SLC24A2: variants seen among roughly 807,000 people sequenced by gnomAD.
SLC24A2 encodes solute carrier family 24 member 2.
Under a neutral mutation model 62.0 loss-of-function variants are expected in SLC24A2, and 36 were observed. The ratio of observed to expected loss-of-function variants is 0.58; its 90% confidence interval spans 0.44 to 0.77. The LOEUF (loss-of-function observed/expected upper bound fraction) is 0.77. SLC24A2 is among the 30% of genes least tolerant of loss of function. The probability of loss-of-function intolerance (pLI) is 0.00; values close to 1 mark genes in which losing one functional copy is unlikely to be tolerated. For synonymous variants in SLC24A2, 358 were observed against 294.0 expected, an observed-to-expected ratio of 1.22 and a Z score of -2.23; for missense variants, 846 against 817.9, an observed-to-expected ratio of 1.03 and a Z score of -0.42.
At chr9:19,937,584 GA>G in the SLC24A2 span, among the ~76,000 whole-genome samples, 1 of 152,192 alleles carries the variant, frequency 6.6e-6, no homozygotes, top group Admixed American at 6.5e-5. Flanking sequence ...ATTATCAGCT[GA>G]AAATGAGTTT....
the SLC24A2 span, among the ~76,000 whole-genome samples, chr9:20,001,861 A>G: frequency 3.9e-5 from 6 of 152,200 alleles, no homozygotes; most frequent in African/African-American, 1.4e-4. Context: ...TATCTCCCAA[A>G]ATGTGTTTAT....
At chr9:19,679,585 A>G (rs1023940654) in intron 2 of SLC24A2, among the ~76,000 whole-genome samples, 4 of 152,162 alleles carry the variant, frequency 2.6e-5, no homozygotes, top group African/African-American at 7.2e-5. Flanking sequence ...GTCGGGGGGC[A>G]TTGTGCAATC....
At chr9:20,285,457 G>C in the SLC24A2 span, among the ~76,000 whole-genome samples, 9 of 152,148 alleles carry the variant, frequency 5.9e-5, no homozygotes, top group African/African-American at 2.2e-4. Flanking sequence ...TTCAGTATGA[G>C]TCTGAAAGCA....
chr9:20,030,901 C>T, the SLC24A2 span, among the ~76,000 whole-genome samples: 37 of 152,046 alleles, frequency 2.4e-4, no homozygotes, highest in Admixed American at 1.1e-3. Context: ...TGACTCCACC[C>T]GCTGCTCACC....
chr9:20,122,701 AAAC>A, the SLC24A2 span, among the ~76,000 whole-genome samples: 1 of 152,122 alleles, frequency 6.6e-6, no homozygotes, highest in East Asian at 1.9e-4. Flanking sequence ...AACAAACAAC[AAAC>A]AACAACAAAA....
intron 2 of SLC24A2, among the ~76,000 whole-genome samples, chr9:19,731,663 A>G (rs1821342674): frequency 6.6e-6 from 1 of 152,188 alleles, no homozygotes; most frequent in Non-Finnish European, 1.5e-5. Context: ...CAGTACTGTG[A>G]GACATAGATT....
At chr9:19,553,845 T>A (rs1296090392) in intron 7 of SLC24A2, among the ~76,000 whole-genome samples, 1 of 152,206 alleles carries the variant, frequency 6.6e-6, no homozygotes, top group Non-Finnish European at 1.5e-5. Context: ...ATTTATCCAG[T>A]TACAGGGCTG....
the SLC24A2 span, among the ~76,000 whole-genome samples, chr9:20,253,459 A>G: frequency 6.6e-6 from 1 of 152,194 alleles, no homozygotes; most frequent in Non-Finnish European, 1.5e-5. Flanking sequence ...TCCAAGTGTA[A>G]CAGGTAGATA....
At chr9:20,199,929 C>T in the SLC24A2 span, among the ~76,000 whole-genome samples, 9 of 145,932 alleles carry the variant, frequency 6.2e-5, no homozygotes, top group Non-Finnish European at 1.3e-4. Context: ...CAGGGTTTCA[C>T]GATGTTGGCC....
chr9:20,068,925 C>A, the SLC24A2 span, among the ~76,000 whole-genome samples: 1 of 152,134 alleles, frequency 6.6e-6, no homozygotes, highest in Non-Finnish European at 1.5e-5. Flanking sequence ...CAGTTCACAG[C>A]TTTCACTGAT....
At chr9:20,125,143 G>T in the SLC24A2 span, among the ~76,000 whole-genome samples, 3 of 152,112 alleles carry the variant, frequency 2.0e-5, no homozygotes, top group Non-Finnish European at 4.4e-5. Flanking sequence ...TTAGTACAAG[G>T]TGCTGTGAGA....
At chr9:19,647,394 G>C (rs985336693) in intron 2 of SLC24A2, among the ~76,000 whole-genome samples, 3 of 152,170 alleles carry the variant, frequency 2.0e-5, no homozygotes, top group African/African-American at 7.2e-5. Flanking sequence ...AAGAGGACAA[G>C]ACTACAAACA....
chr9:19,525,161 GA>G (rs1186923714), intron 9 of SLC24A2, among the ~76,000 whole-genome samples: 1 of 151,958 alleles, frequency 6.6e-6, no homozygotes, highest in Non-Finnish European at 1.5e-5. Flanking sequence ...TGATTTTTTG[GA>G]AATATCCAGG....
At chr9:19,610,214 G>C (rs1482288653) in intron 4 of SLC24A2, among the ~76,000 whole-genome samples, 2 of 152,184 alleles carry the variant, frequency 1.3e-5, no homozygotes, top group African/African-American at 4.8e-5. Context: ...TCTACACAAG[G>C]AAGGAGAAAT....
chr9:20,045,962 G>C, the SLC24A2 span, among the ~76,000 whole-genome samples: 1 of 152,186 alleles, frequency 6.6e-6, no homozygotes, highest in African/African-American at 2.4e-5. Context: ...AACAACTAGT[G>C]CAAAGGACCT....
At chr9:20,123,032 A>T in the SLC24A2 span, among the ~76,000 whole-genome samples, 1 of 152,108 alleles carries the variant, frequency 6.6e-6, no homozygotes, top group Non-Finnish European at 1.5e-5. Flanking sequence ...GGATGCTATA[A>T]CTAGACTAGG....
intron 2 of SLC24A2, among the ~76,000 whole-genome samples, chr9:19,650,439 G>C (rs903577143): frequency 2.0e-5 from 3 of 152,174 alleles, no homozygotes; most frequent in African/African-American, 7.2e-5. Context: ...AGTGACCATA[G>C]CTACCATTTT....
the SLC24A2 span, among the ~76,000 whole-genome samples, chr9:19,880,800 C>T: frequency 3.3e-5 from 5 of 152,076 alleles, no homozygotes; most frequent in African/African-American, 7.2e-5. Flanking sequence ...TTCATCTTAA[C>T]GATCAAACCA....
chr9:20,225,444 G>C, the SLC24A2 span, among the ~76,000 whole-genome samples: 1 of 148,424 alleles, frequency 6.7e-6, no homozygotes, highest in African/African-American at 2.5e-5. Flanking sequence ...ATTTTCACTT[G>C]TATCTAAAAT....
Sources: gnomAD v4.1 joint callset for allele counts (sites outside exome capture counted in the v4.1 genomes callset) on GRCh38, gnomAD v4.1.1 for gene constraint, MANE v1.5 for transcripts, NCBI Gene and HGNC (gene_info 2026-07-23, HGNC 2026-07-21) for gene names.